RBFOX1: variants seen among roughly 807,000 people sequenced by gnomAD.
RBFOX1 encodes the protein RNA binding fox-1 homolog 1.
Under a neutral mutation model 57.7 loss-of-function variants are expected in RBFOX1, and 8 were observed. The observed-to-expected ratio is 0.14, with a 90% CI of 0.08 to 0.25. The LOEUF (loss-of-function observed/expected upper bound fraction) is 0.25, where lower values mean the gene tolerates loss of function less well. RBFOX1 is among the 10% of genes least tolerant of loss of function. The pLI is 1.00. For missense variants in RBFOX1, 611 were observed against 548.5 expected (o/e 1.11, Z -1.14); for synonymous variants, 326 against 222.4 (o/e 1.47, Z -4.15).
At chr16:5,459,091 C>G (rs1452705724) in intron 1 of RBFOX1, among the ~76,000 whole-genome samples, 4 of 152,198 alleles carry the variant, frequency 2.6e-5, no homozygotes, top group Admixed American at 6.5e-5. Context: ...GCTCACCATG[C>G]CCTGGCCTCT....
intron 3 of RBFOX1, among the ~76,000 whole-genome samples, chr16:5,735,634 C>T (rs960896723): frequency 3.3e-5 from 5 of 152,254 alleles, no homozygotes; most frequent in Admixed American, 1.3e-4. Context: ...CAGTGGTTCA[C>T]GCCTATAATC....
chr16:5,313,934 A>T (rs906630387), intron 1 of RBFOX1, among the ~76,000 whole-genome samples: 2 of 152,122 alleles, frequency 1.3e-5, no homozygotes, highest in Non-Finnish European at 2.9e-5. Context: ...CTCCCATGAA[A>T]TGTATGGGAT....
At chr16:5,762,392 A>C (rs1454143921) in intron 3 of RBFOX1, among the ~76,000 whole-genome samples, 1 of 151,600 alleles carries the variant, frequency 6.6e-6, no homozygotes, top group Non-Finnish European at 1.5e-5. Flanking sequence ...AACTCAAGTC[A>C]GTGTTGGCCA....
intron 2 of RBFOX1, among the ~76,000 whole-genome samples, chr16:6,531,153 C>T (rs932996253): frequency 1.3e-5 from 2 of 152,152 alleles, no homozygotes; most frequent in Non-Finnish European, 2.9e-5. Flanking sequence ...AGGTTGTTTC[C>T]CTGCTTCCCT....
At chr16:6,858,260 T>G (rs2058273429) in intron 3 of RBFOX1, among the ~76,000 whole-genome samples, 2 of 152,208 alleles carry the variant, frequency 1.3e-5, no homozygotes, top group African/African-American at 2.4e-5. Flanking sequence ...TGAACTACAC[T>G]TTGTAGGGAA....
chr16:7,458,227 G>A (rs1322729901), intron 4 of RBFOX1, among the ~76,000 whole-genome samples: 3 of 152,148 alleles, frequency 2.0e-5, no homozygotes, highest in Non-Finnish European at 4.4e-5. Context: ...GGAGCCCTAA[G>A]TGTGTCCTTA....
chr16:6,685,176 G>A (rs553030354), intron 3 of RBFOX1, among the ~76,000 whole-genome samples: 23 of 151,448 alleles, frequency 1.5e-4, no homozygotes, highest in Non-Finnish European at 3.1e-4. Context: ...TATTCCTGCT[G>A]TACTTACTAA....
intron 3 of RBFOX1, among the ~76,000 whole-genome samples, chr16:6,737,354 T>A (rs941426327): frequency 1.4e-5 from 2 of 143,310 alleles, no homozygotes; most frequent in African/African-American, 4.9e-5. Flanking sequence ...ATCAGTTTTA[T>A]CTGTTGTTTA....
intron 4 of RBFOX1, among the ~76,000 whole-genome samples, chr16:7,158,992 T>C (rs925895551): frequency 6.6e-6 from 1 of 151,968 alleles, no homozygotes; most frequent in Admixed American, 6.6e-5. Flanking sequence ...ACCACAAGGA[T>C]CCCTCAGATT....
intron 1 of RBFOX1, among the ~76,000 whole-genome samples, chr16:6,118,940 A>T (rs1174874372): frequency 6.6e-6 from 1 of 151,774 alleles, no homozygotes; most frequent in South Asian, 2.1e-4. Context: ...ACATGTGAAT[A>T]TGGGGAGGGC....
At chr16:7,184,097 G>C (rs2083256541) in intron 4 of RBFOX1, among the ~76,000 whole-genome samples, 1 of 152,184 alleles carries the variant, frequency 6.6e-6, no homozygotes, top group Non-Finnish European at 1.5e-5. Context: ...GAGCCTGGCA[G>C]CACAAAGATG....
chr16:6,109,166 G>A (rs143317668), intron 1 of RBFOX1, among the ~76,000 whole-genome samples: 27 of 152,246 alleles, frequency 1.8e-4, no homozygotes, highest in African/African-American at 5.8e-4. Flanking sequence ...TTTCTGAATC[G>A]TGGCTTTTGT....
At chr16:6,300,496 A>C (rs1265581667) in intron 1 of RBFOX1, among the ~76,000 whole-genome samples, 2 of 152,180 alleles carry the variant, frequency 1.3e-5, no homozygotes, top group Non-Finnish European at 2.9e-5. Flanking sequence ...TACCTACCTC[A>C]CAAAGTTATT....
chr16:6,829,492 A>C (rs1043344000), intron 3 of RBFOX1, among the ~76,000 whole-genome samples: 4 of 151,144 alleles, frequency 2.6e-5, no homozygotes, highest in Non-Finnish European at 4.4e-5. Flanking sequence ...AAAAAAAAAA[A>C]AAACAAAAAA....
intron 2 of RBFOX1, among the ~76,000 whole-genome samples, chr16:5,477,505 C>G (rs1348660490): frequency 6.6e-6 from 1 of 152,204 alleles, no homozygotes; most frequent in East Asian, 1.9e-4. Context: ...AACGATCTTA[C>G]TTTGCATAAG....
intron 2 of RBFOX1, among the ~76,000 whole-genome samples, chr16:6,520,746 G>T (rs139996381): frequency 6.6e-6 from 1 of 152,114 alleles, no homozygotes; most frequent in African/African-American, 2.4e-5. Flanking sequence ...GCTTCGTTTC[G>T]ATCAAGTGCC....
At chr16:5,443,748 A>G (rs1204423543) in intron 1 of RBFOX1, among the ~76,000 whole-genome samples, 2 of 152,130 alleles carry the variant, frequency 1.3e-5, no homozygotes, top group Admixed American at 1.3e-4. Flanking sequence ...TGCTTTGATT[A>G]TTTCATTTAT....
At chr16:6,989,427 A>T (rs953345467) in intron 3 of RBFOX1, among the ~76,000 whole-genome samples, 1 of 152,200 alleles carries the variant, frequency 6.6e-6, no homozygotes, top group African/African-American at 2.4e-5. Context: ...TAACGGTGCA[A>T]TTAGAACTTT....
intron 3 of RBFOX1, among the ~76,000 whole-genome samples, chr16:6,904,136 G>A (rs1444268562): frequency 6.6e-6 from 1 of 152,140 alleles, no homozygotes; most frequent in Non-Finnish European, 1.5e-5. Context: ...TTCGTTCTCA[G>A]ATCATTTTTA....
Sources: allele counts gnomAD v4.1 joint callset (sites outside exome capture counted in the v4.1 genomes callset), GRCh38; gene constraint gnomAD v4.1.1; transcripts MANE v1.5; gene names NCBI Gene and HGNC (gene_info 2026-07-23, HGNC 2026-07-21).